The following UGT1A5 variants were observed in gnomAD, a reference collection of about 807,000 sequenced individuals.
UGT1A5 encodes UDP glucuronosyltransferase family 1 member A5, also known as UDP-glucuronosyltransferase 1A5.
In UGT1A5, 29 loss-of-function variants were observed where a neutral mutation model predicts 40.3. The observed-to-expected ratio is 0.72, with a 90% CI of 0.54 to 0.98. UGT1A5 has a LOEUF of 0.98. Among genes scored for constraint, UGT1A5 ranks in the 50% least tolerant of loss-of-function variants. The pLI is 0.00. For synonymous variants in UGT1A5, 257 were observed against 262.5 expected (o/e 0.98, Z 0.20); for missense variants, 678 against 677.9 (o/e 1.00, Z 0.00).
At position 233,772,444 on chromosome 2, in the gene UGT1A5, T is replaced by C; in HGVS notation, c.1490T>C (p.Leu497Ser). 6.2e-7 allele frequency: 1 copy of C among 1,614,228 alleles called. No homozygotes were observed. Among genetic ancestry groups the C allele is most frequent in the South Asian group, 1.1e-5 (1 of 91,086 alleles). The change falls in exon 5 of 5, where the codon TTG (leucine) becomes TCG (serine). Residue 497 changes from leucine to serine, a missense_variant. Coordinates refer to ENST00000373414, the MANE Select transcript of UGT1A5 (RefSeq NM_019078.2). ...TCCTTGGACGTGATTGGTTTCCTCT[T>C]GGCCGTCGTGCTGACAGTGGCCTTC... ...YHSLDVIGFL[L>S]AVVLTVAFIT...
At chr2:233,759,537 C>T (rs1642121675) in intron 1 of UGT1A5, among the ~76,000 whole-genome samples, 1 of 152,180 alleles carries the variant, frequency 6.6e-6, no homozygotes, top group South Asian at 2.1e-4. Context: ...CTTCTGTTCA[C>T]ATGCGCTCCA....
chr2:233,745,697 C>A (rs1481234082), intron 1 of UGT1A5, among the ~76,000 whole-genome samples: 2 of 147,560 alleles, frequency 1.4e-5, no homozygotes, highest in African/African-American at 5.1e-5. Flanking sequence ...GTTTGGAGAA[C>A]AACAAGTGAT....
rs1464926221 is a variant in UGT1A5, at chr2:233,757,539, T to A, written c.868-9495T>A. ...GCCAAAATCTTGCCTGTAAGGAATA[T>A]ATATATATATATATATATATATGTA... On this transcript the variant is annotated intron_variant, in intron 1 of 4. Coordinates refer to ENST00000373414, the MANE Select transcript of UGT1A5 (RefSeq NM_019078.2). 4.5e-4 allele frequency among the ~76,000 whole-genome samples: 52 copies of A among 115,728 alleles called. 1 individual carries two copies. Among genetic ancestry groups the A allele is most frequent in the African/African-American group, 1.8e-3 (48 of 26,632 alleles). 75.9% of individuals were successfully genotyped at this position (115,728 alleles called of 152,430 possible). A position where few individuals can be genotyped will look rare whatever the true frequency, so the allele number is the denominator to read the frequency against.
intron 1 of UGT1A5, chr2:233,718,646 T>C (rs896196849): frequency 1.0e-5 from 15 of 1,495,846 alleles, no homozygotes; most frequent in African/African-American, 1.4e-5. Flanking sequence ...GTTGGGCCCA[T>C]AACGAAAGGC....
intron 1 of UGT1A5, among the ~76,000 whole-genome samples, chr2:233,744,770 A>G (rs1692917910): frequency 6.6e-6 from 1 of 151,946 alleles, no homozygotes. Context: ...TTAACTTTGC[A>G]AAATTCTCCT....
intron 1 of UGT1A5, among the ~76,000 whole-genome samples, chr2:233,730,785 G>C (rs1273458809): frequency 1.3e-5 from 2 of 152,122 alleles, no homozygotes; most frequent in Non-Finnish European, 2.9e-5. Flanking sequence ...TGAAGCTGGG[G>C]ACAGTGATGA....
At chr2:233,728,759 G>C (rs2077748525) in intron 1 of UGT1A5, among the ~76,000 whole-genome samples, 1 of 152,198 alleles carries the variant, frequency 6.6e-6, no homozygotes, top group Admixed American at 6.5e-5. Flanking sequence ...TGACTCCTCA[G>C]ACCTCAGCTG....
chr2:233,743,533 T>A lies in UGT1A5; in HGVS notation c.868-23501T>A, dbSNP rs755870649. On this transcript the variant is annotated intron_variant, in intron 1 of 4. Transcript: ENST00000373414. The stretch of plus-strand genomic sequence containing the variant: ...CGCTCTGCTTCTGCTTCCCCAGCAG[T>A]TCCTCTGACCCCCCCAAAATATTCT... 4 of 1,367,096 alleles carry A rather than the reference T, an allele frequency of 2.9e-6. No individual in the cohort carries two copies. The African/African-American group carries it at 5.9e-5, about 20-fold the overall frequency. 84.7% of individuals were successfully genotyped at this position (1,367,096 alleles called of 1,614,324 possible).
intron 1 of UGT1A5, among the ~76,000 whole-genome samples, chr2:233,758,486 A>G (rs1279862194): frequency 6.6e-6 from 1 of 152,222 alleles, no homozygotes; most frequent in East Asian, 1.9e-4. Flanking sequence ...TAAACTGTGA[A>G]TTTCAGAATT....
chr2:233,721,886 T>C (rs1215447049), intron 1 of UGT1A5: 3 of 486,690 alleles, frequency 6.2e-6, no homozygotes, highest in Non-Finnish European at 1.2e-5. Flanking sequence ...AGCCCCTCCA[T>C]TGCAATATCG....
chr2:233,745,152 G>T (rs1403503351), intron 1 of UGT1A5, among the ~76,000 whole-genome samples: 1 of 151,720 alleles, frequency 6.6e-6, no homozygotes, highest in Non-Finnish European at 1.5e-5. Flanking sequence ...GTATATGGAG[G>T]GTCAAATGTG....
intron 1 of UGT1A5, chr2:233,717,919 A>G (rs549898457): frequency 4.4e-6 from 2 of 454,776 alleles, no homozygotes; most frequent in Admixed American, 2.3e-5. Flanking sequence ...GCCTGGATGA[A>G]TGGATACTTC....
At chr2:233,756,820 A>C (rs1170883344) in intron 1 of UGT1A5, among the ~76,000 whole-genome samples, 1 of 152,072 alleles carries the variant, frequency 6.6e-6, no homozygotes, top group Admixed American at 6.5e-5. Context: ...CTCAATTCCA[A>C]GGGGAAAATG....
At chr2:233,718,543 A>G (rs2076662148) in intron 1 of UGT1A5, among the ~76,000 whole-genome samples, 1 of 152,222 alleles carries the variant, frequency 6.6e-6, no homozygotes. Flanking sequence ...TTGGGAATTG[A>G]ATGAGAAAGA....
In UGT1A5 at chr2:233,760,763, T is replaced by C. The variant is rs587784539; in HGVS notation, c.868-6271T>C. 4.6e-5 allele frequency: 74 copies of C among 1,613,968 alleles called. 1 individual carries two copies. In the South Asian group the frequency reaches 7.5e-4, roughly 16 times the overall value. ...GACCCTTTCCTTCCTTGCAGCCCCA[T>C]CGTGGCCCAGTACCTGTCTCTGCCC... On this transcript the variant is annotated intron_variant, in intron 1 of 4. Transcript: ENST00000373414.
At chr2:233,737,202 T>A (rs1346629064) in intron 1 of UGT1A5, among the ~76,000 whole-genome samples, 3 of 152,198 alleles carry the variant, frequency 2.0e-5, no homozygotes, top group Non-Finnish European at 4.4e-5. Flanking sequence ...TGAGCTGCGG[T>A]GGACTCTGTT....
chr2:233,723,031 G>A (rs925471070), intron 1 of UGT1A5, among the ~76,000 whole-genome samples: 9 of 143,556 alleles, frequency 6.3e-5, no homozygotes, highest in Admixed American at 1.4e-4. Context: ...AAGGGCCAGC[G>A]GGAGAGGCAG....
Position 233,713,398 on chromosome 2 carries a change from C to T in UGT1A5, c.407C>T (p.Ala136Val), listed in dbSNP as rs1193578945. ...TGTGTGGAGCTACTGCATAATGAGG[C>T]CCTGATCAGGCACCTGCATGCTACT... is the stretch of plus-strand genomic sequence containing the variant. The part of the protein sequence containing the change: ...RSCVELLHNE[A>V]LIRHLHATSF... Residue 136 changes from alanine (A) to valine (V), a missense_variant, in exon 1 of 5, where the codon GCC becomes GTC. Coordinates refer to ENST00000373414, the MANE Select transcript of UGT1A5 (RefSeq NM_019078.2). 1 of 1,614,084 alleles carries T rather than the reference C, an allele frequency of 6.2e-7. No individual in the cohort carries two copies. Among genetic ancestry groups the T allele is most frequent in the South Asian group, 1.1e-5 (1 of 91,070 alleles).
chr2:233,748,089 C>T (rs17863798), intron 1 of UGT1A5: 111,177 of 1,612,822 alleles, frequency 0.069, 5,243 homozygotes, highest in South Asian at 0.18. Context: ...GGTCGGTGTT[C>T]GTGCCTTCAT....
Sources: allele counts gnomAD v4.1 joint callset (sites outside exome capture counted in the v4.1 genomes callset), GRCh38; gene constraint gnomAD v4.1.1; transcripts MANE v1.5; gene names NCBI Gene and HGNC (gene_info 2026-07-23, HGNC 2026-07-21).